BMP3: variants seen among roughly 807,000 people sequenced by gnomAD.
BMP3 encodes bone morphogenetic protein 3 (osteogenic).
A neutral mutation model predicts 38.1 loss-of-function variants in BMP3; 23 were observed. The observed-to-expected ratio is 0.60, with a 90% CI of 0.43 to 0.86. BMP3 has a LOEUF of 0.86. Ranked by LOEUF, BMP3 falls within the 40% of genes least tolerant of loss-of-function variation. The pLI is 0.00. For synonymous variants in BMP3, 258 were observed against 225.7 expected (o/e 1.14, Z -1.28); for missense variants, 628 against 579.6 (o/e 1.08, Z -0.86).
At chr4:81,045,627 C>G (rs528357546) in intron 1 of BMP3, 111 bp from the exon 2 acceptor site, 4 of 930,686 alleles carry the variant, frequency 4.3e-6, no homozygotes, top group Admixed American at 3.5e-5. Context: ...CCAAAAATTT[C>G]ATGGATTTAG....
chr4:81,042,862 A>G (rs1190795960), intron 1 of BMP3, among the ~76,000 whole-genome samples: 1 of 152,186 alleles, frequency 6.6e-6, no homozygotes, highest in Non-Finnish European at 1.5e-5. Flanking sequence ...GGGTAAAAGT[A>G]TATGCTCCGG....
Position 81,031,289 on chromosome 4 carries a change from C to A in BMP3, c.5C>A (p.Ala2Asp). 6.2e-7 allele frequency: 1 copy of A among 1,600,350 alleles called. No homozygotes were observed. The highest frequency in any genetic ancestry group is 8.5e-7 in the Non-Finnish European group (1 of 1,173,290). Residue 2 changes from alanine (A) to aspartate (D), a missense_variant, in exon 1 of 3, where the codon GCT becomes GAT. Transcript: ENST00000282701. M[A>D]GASRLLFLWL... ...GCGCCGCGCGGGTACCTAGCCATGG[C>A]TGGGGCGAGCAGGCTGCTCTTTCTG...
intron 1 of BMP3, among the ~76,000 whole-genome samples, chr4:81,033,914 C>T (rs17005027): frequency 2.0e-5 from 3 of 152,124 alleles, no homozygotes; most frequent in African/African-American, 4.8e-5. Flanking sequence ...GTACTGAAGA[C>T]GTTAGAAATT....
intron 2 of BMP3, among the ~76,000 whole-genome samples, chr4:81,052,637 A>C (rs558434838): frequency 1.2e-4 from 19 of 152,232 alleles, no homozygotes; most frequent in African/African-American, 4.6e-4. Flanking sequence ...CTAATTCTAA[A>C]CCAGTGGAGC....
rs149057133 is a variant in BMP3 at position 81,053,565 on chromosome 4, A to G, written c.*29A>G. 7.2e-4 allele frequency: 896 copies of G among 1,247,128 alleles called. 1 individual carries two copies. The African/African-American group carries it at 0.012, about 17-fold the overall frequency. 77.3% of individuals were successfully genotyped at this position (1,247,128 alleles called of 1,614,324 possible). A position where few individuals can be genotyped will look rare whatever the true frequency, so the allele number is the denominator to read the frequency against. Reference sequence around the variant, plus strand: ...GGCAAAGAACTCATTTGAATGCTTAATTCAATCATTAGTTTATTTTTATGG... The same window carrying G: ...GGCAAAGAACTCATTTGAATGCTTAGTTCAATCATTAGTTTATTTTTATGG... On this transcript the variant is annotated 3_prime_UTR_variant, in exon 3 of 3. Coordinates refer to ENST00000282701, the MANE Select transcript of BMP3 (RefSeq NM_001201.5).
chr4:81,044,967 G>A (rs186682506), intron 1 of BMP3, among the ~76,000 whole-genome samples: 6 of 152,140 alleles, frequency 3.9e-5, no homozygotes, highest in East Asian at 1.9e-4. Context: ...ATTCTTTGGC[G>A]TGTATACATA....
At chr4:81,034,903 T>C (rs138914788) in intron 1 of BMP3, among the ~76,000 whole-genome samples, 254 of 152,296 alleles carry the variant, frequency 1.7e-3, no homozygotes, top group African/African-American at 6.0e-3. Context: ...AGCCATTCCT[T>C]CAAAATATAT....
intron 1 of BMP3, among the ~76,000 whole-genome samples, chr4:81,040,694 G>A (rs959429498): frequency 6.6e-6 from 1 of 152,004 alleles, no homozygotes; most frequent in South Asian, 2.1e-4. Flanking sequence ...TTTCCAAGTT[G>A]CTCTCTTCTG....
rs1740506459 is a variant in BMP3, at chr4:81,054,879, T to G, written c.*1343T>G. 1 of 152,198 alleles carries G rather than the reference T, an allele frequency of 6.6e-6. No individual in the cohort carries two copies. Among genetic ancestry groups the G allele is most frequent in the Admixed American group, 6.5e-5 (1 of 15,274 alleles). The allele number at this position is 152,198 out of a possible 1,614,324, so 9.4% of individuals were successfully genotyped here. On this transcript the variant is annotated 3_prime_UTR_variant, in exon 3 of 3. Coordinates refer to ENST00000282701, the MANE Select transcript of BMP3 (RefSeq NM_001201.5). The stretch of plus-strand genomic sequence containing the variant: ...ATTGTTGGTGTTAATCTGTGGTTAA[T>G]CCTCATTTTAGTTCCGTCTTATCTG...
At position 81,032,053 on chromosome 4, in the gene BMP3, G is replaced by A. The variant is rs561800607; in HGVS notation, c.316+453G>A. Among the ~76,000 whole-genome samples, 12 of 152,178 alleles carry A rather than the reference G, an allele frequency of 7.9e-5. No homozygotes were observed. The South Asian group carries it at 2.5e-3, about 32-fold the overall frequency. ...TTTATGCCAATGCCAGGACCCGAGAGAAATCATACTTGAATAAGACGCCTT... is the reference window on the plus strand; with the variant it reads ...TTTATGCCAATGCCAGGACCCGAGAAAAATCATACTTGAATAAGACGCCTT... On this transcript the variant is annotated intron_variant, in intron 1 of 2. Coordinates refer to ENST00000282701, the MANE Select transcript of BMP3 (RefSeq NM_001201.5).
chr4:81,047,662 C>A (rs1486004623), intron 2 of BMP3, among the ~76,000 whole-genome samples: 1 of 151,900 alleles, frequency 6.6e-6, no homozygotes, highest in Non-Finnish European at 1.5e-5. Context: ...AGAAAAAATC[C>A]TTTGTCTCAA....
At chr4:81,044,285 C>T (rs996003979) in intron 1 of BMP3, among the ~76,000 whole-genome samples, 3 of 152,114 alleles carry the variant, frequency 2.0e-5, no homozygotes, top group South Asian at 2.1e-4. Flanking sequence ...TTTATTTCTC[C>T]GTTAAAATTT....
rs1170496542 is a variant in BMP3 at position 81,055,132 on chromosome 4, A to G, written c.*1596A>G. 4 of 152,210 alleles carry G rather than the reference A, an allele frequency of 2.6e-5. No individual in the cohort carries two copies. The highest frequency in any genetic ancestry group is 4.4e-5 in the Non-Finnish European group (3 of 68,022). The allele number at this position is 152,210 out of a possible 1,614,324, so 9.4% of individuals were successfully genotyped here. Reference sequence around the variant, plus strand: ...AAGGGTTAAGTTTATAATTCCAGCTATTTCACACCCGTCTTCCTTGAAGGA... The same window carrying G: ...AAGGGTTAAGTTTATAATTCCAGCTGTTTCACACCCGTCTTCCTTGAAGGA... On this transcript the variant is annotated 3_prime_UTR_variant, in exon 3 of 3. Coordinates refer to ENST00000282701, the MANE Select transcript of BMP3 (RefSeq NM_001201.5).
intron 1 of BMP3, among the ~76,000 whole-genome samples, chr4:81,038,860 G>T (rs577769272): frequency 3.9e-5 from 6 of 152,306 alleles, no homozygotes; most frequent in African/African-American, 1.4e-4. Flanking sequence ...ACATAGGTCT[G>T]CCCTCTCAGC....
chr4:81,039,661 CCTAT>C (rs1255184289), intron 1 of BMP3, among the ~76,000 whole-genome samples: 2 of 152,186 alleles, frequency 1.3e-5, no homozygotes, highest in African/African-American at 4.8e-5. Flanking sequence ...TTTTAAAACG[CCTAT>C]CTGACTTTCT....
intron 1 of BMP3, among the ~76,000 whole-genome samples, chr4:81,032,214 A>AAAAAC (rs1739797850): frequency 1.4e-5 from 2 of 141,244 alleles, no homozygotes; most frequent in African/African-American, 5.4e-5. Flanking sequence ...AAAAAAAAAA[A>AAAAAC]AAAAAACAGG....
At chr4:81,045,689 G>A (rs1222522009) in intron 1 of BMP3, 49 bp from the exon 2 acceptor site, 1 of 1,408,404 alleles carries the variant, frequency 7.1e-7, no homozygotes, top group Non-Finnish European at 9.6e-7. Context: ...ATATAGTGAA[G>A]TAATGGTCTT....
At position 81,031,201 on chromosome 4, in the gene BMP3, C is replaced by T. The variant is rs1247036029; in HGVS notation, c.-84C>T. 1 of 1,416,972 alleles carries T rather than the reference C, an allele frequency of 7.1e-7. No individual in the cohort carries two copies. The highest frequency in any genetic ancestry group is 9.4e-7 in the Non-Finnish European group (1 of 1,069,066). 87.8% of individuals were successfully genotyped at this position (1,416,972 alleles called of 1,614,324 possible). A position where few individuals can be genotyped will look rare whatever the true frequency, so the allele number is the denominator to read the frequency against. On this transcript the variant is annotated 5_prime_UTR_variant, in exon 1 of 3. Coordinates refer to ENST00000282701, the MANE Select transcript of BMP3 (RefSeq NM_001201.5). ...CGCCCCAGCTGGTTTGGAGTTCAAC[C>T]CTCGGCTCCGCCGCCGGCTCCTTGC...
rs1376304785 is a variant in BMP3 at position 81,056,524 on chromosome 4, A to T, written c.*2988A>T. 1 of 152,518 alleles carries T rather than the reference A, an allele frequency of 6.6e-6. No individual in the cohort carries two copies. The highest frequency in any genetic ancestry group is 1.5e-5 in the Non-Finnish European group (1 of 68,026). The allele number at this position is 152,518 out of a possible 1,614,324, so 9.4% of individuals were successfully genotyped here. ...GCTAATTTTTTTATTTGATAAAAAG[A>T]ATTCTTTTTCTCAATAACTGTTCTC... On this transcript the variant is annotated 3_prime_UTR_variant, in exon 3 of 3. Transcript: ENST00000282701.
Sources: gnomAD v4.1 joint callset for allele counts (sites outside exome capture counted in the v4.1 genomes callset) on GRCh38, gnomAD v4.1.1 for gene constraint, MANE v1.5 for transcripts, NCBI Gene and HGNC (gene_info 2026-07-23, HGNC 2026-07-21) for gene names.